Variants in NTRK3 observed in about 807,000 individuals in gnomAD.
NTRK3 encodes the protein neurotrophic receptor tyrosine kinase 3, also known as NT-3 growth factor receptor.
NTRK3 carries 24 observed loss-of-function variants against 91.7 expected under a neutral mutation model. That is an observed-to-expected ratio of 0.26 (90% CI 0.19 to 0.37). The LOEUF is 0.37. Among genes scored for constraint, NTRK3 ranks in the 10% least tolerant of loss-of-function variants. The pLI is 1.00. For missense variants in NTRK3, 880 were observed against 1,068.9 expected, an observed-to-expected ratio of 0.82 and a Z score of 2.46; for synonymous variants, 483 against 404.0, an observed-to-expected ratio of 1.20 and a Z score of -2.34.
intron 6 of NTRK3, among the ~76,000 whole-genome samples, chr15:88,145,509 A>G (rs2042808701): frequency 6.6e-6 from 1 of 152,178 alleles, no homozygotes; most frequent in Non-Finnish European, 1.5e-5. Flanking sequence ...TCCCAGGCAA[A>G]GATGAATGCA....
At chr15:88,021,430 C>T (rs1439923147) in intron 14 of NTRK3, among the ~76,000 whole-genome samples, 4 of 152,208 alleles carry the variant, frequency 2.6e-5, no homozygotes, top group Non-Finnish European at 5.9e-5. Context: ...AGGTATACCT[C>T]AAAATCAGGT....
At chr15:88,032,025 G>T (rs1156716020) in intron 14 of NTRK3, among the ~76,000 whole-genome samples, 1 of 152,182 alleles carries the variant, frequency 6.6e-6, no homozygotes, top group Non-Finnish European at 1.5e-5. Flanking sequence ...GCAGGCATGG[G>T]TGTCCCTGTT....
chr15:87,877,243 G>A (rs2064990978), intron 18 of NTRK3, 123 bp from the exon 20 acceptor site: 5 of 1,002,580 alleles, frequency 5.0e-6, no homozygotes, highest in Non-Finnish European at 4.6e-6. Context: ...GCTCTCACAA[G>A]CACAAGCTAA....
chr15:88,028,745 T>C (rs1482331131), intron 14 of NTRK3, among the ~76,000 whole-genome samples: 1 of 152,128 alleles, frequency 6.6e-6, no homozygotes, highest in African/African-American at 2.4e-5. Flanking sequence ...GCAGAGGCAG[T>C]TGCCTCTCCC....
At chr15:88,072,959 T>C (rs138932871) in intron 13 of NTRK3, 161 of 217,792 alleles carry the variant, frequency 7.4e-4, no homozygotes, top group African/African-American at 3.4e-3. Flanking sequence ...CATTAGTTTA[T>C]TCAATCCTCA....
chr15:88,206,240 G>C (rs1437318229), intron 3 of NTRK3, among the ~76,000 whole-genome samples: 9 of 150,090 alleles, frequency 6.0e-5, no homozygotes, highest in Non-Finnish European at 1.2e-4. Flanking sequence ...AGCTACTCAA[G>C]AGGCTGAGGC....
intron 8 of NTRK3, 115 bp from the exon 9 acceptor site, chr15:88,136,155 G>T (rs1039849971): frequency 1.5e-6 from 2 of 1,363,086 alleles, no homozygotes; most frequent in African/African-American, 2.9e-5. Flanking sequence ...AGGCGAAGGA[G>T]ATCTTTGTGT....
At chr15:87,984,746 T>C (rs979110631) in intron 14 of NTRK3, among the ~76,000 whole-genome samples, 1 of 152,204 alleles carries the variant, frequency 6.6e-6, no homozygotes, top group African/African-American at 2.4e-5. Context: ...TCCCCATTTC[T>C]AGCTTCCCTT....
At chr15:88,192,379 T>G (rs1019123404) in intron 3 of NTRK3, among the ~76,000 whole-genome samples, 1 of 152,078 alleles carries the variant, frequency 6.6e-6, no homozygotes, top group African/African-American at 2.4e-5. Flanking sequence ...CCTATCTGCT[T>G]CTATTTTTAC....
intron 14 of NTRK3, among the ~76,000 whole-genome samples, chr15:87,949,657 A>C (rs2070908119): frequency 1.3e-5 from 2 of 152,078 alleles, no homozygotes; most frequent in South Asian, 4.1e-4. Flanking sequence ...CACCGCCATG[A>C]GCTCAGACAC....
intron 14 of NTRK3, among the ~76,000 whole-genome samples, chr15:87,956,276 T>TTTG (rs902789211): frequency 4.6e-5 from 7 of 152,088 alleles, no homozygotes; most frequent in Admixed American, 1.3e-4. Context: ...TGTTCTGGTT[T>TTTG]TTGTTGTTGT....
chr15:87,979,304 T>A (rs2073994249), intron 14 of NTRK3: 2 of 1,410,622 alleles, frequency 1.4e-6, no homozygotes, highest in Non-Finnish European at 1.0e-6. Flanking sequence ...GGGCCCAGCC[T>A]ACCAAGGTGA....
chr15:87,985,912 A>C (rs2074733077), intron 14 of NTRK3, among the ~76,000 whole-genome samples: 1 of 152,224 alleles, frequency 6.6e-6, no homozygotes, highest in African/African-American at 2.4e-5. Context: ...ACTTGGAATC[A>C]CTAAGACTAT....
chr15:87,966,704 T>C (rs1287977858), intron 14 of NTRK3, among the ~76,000 whole-genome samples: 1 of 152,020 alleles, frequency 6.6e-6, no homozygotes, highest in African/African-American at 2.4e-5. Flanking sequence ...GCTGTTTGGG[T>C]AAGGAATTCT....
At chr15:88,001,214 T>C (rs919665994) in intron 14 of NTRK3, among the ~76,000 whole-genome samples, 1 of 152,130 alleles carries the variant, frequency 6.6e-6, no homozygotes, top group Admixed American at 6.6e-5. Context: ...GAGTTGTAAG[T>C]GTTCTTTATA....
intron 5 of NTRK3, among the ~76,000 whole-genome samples, chr15:88,173,756 A>C (rs1317511807): frequency 6.6e-6 from 1 of 152,222 alleles, no homozygotes; most frequent in Non-Finnish European, 1.5e-5. Context: ...TCCTGAATTG[A>C]AAACAGCCAA....
chr15:88,094,633 G>C (rs1053155620), intron 13 of NTRK3, among the ~76,000 whole-genome samples: 1 of 152,102 alleles, frequency 6.6e-6, no homozygotes, highest in Non-Finnish European at 1.5e-5. Context: ...GAAGAAGGAT[G>C]ACATGTAGAA....
chr15:88,182,046 C>A (rs2046514320), intron 5 of NTRK3, among the ~76,000 whole-genome samples: 1 of 152,174 alleles, frequency 6.6e-6, no homozygotes, highest in South Asian at 2.1e-4. Context: ...AAAGAACACA[C>A]ATCAGGAGAC....
intron 13 of NTRK3, among the ~76,000 whole-genome samples, chr15:88,096,651 G>A (rs185498569): frequency 2.6e-5 from 4 of 152,248 alleles, no homozygotes; most frequent in Admixed American, 6.5e-5. Flanking sequence ...AATACCACTG[G>A]AACAACCCAT....
Sources: allele counts gnomAD v4.1 joint callset (sites outside exome capture counted in the v4.1 genomes callset), GRCh38; gene constraint gnomAD v4.1.1; transcripts MANE v1.5; gene names NCBI Gene and HGNC (gene_info 2026-07-23, HGNC 2026-07-21).